The following CCDC66 variants were observed in gnomAD, a reference collection of about 807,000 sequenced individuals.
CCDC66 encodes the protein coiled-coil domain containing 66, also known as coiled-coil domain-containing protein 66.
A neutral mutation model predicts 128.3 loss-of-function variants in CCDC66; 133 were observed. The observed-to-expected ratio is 1.04, with a 90% CI of 0.90 to 1.20. CCDC66 has a LOEUF of 1.20. Ranked by LOEUF, CCDC66 falls within the 50% of genes most tolerant of loss-of-function variation. The pLI is 0.00. For missense variants in CCDC66, 1,126 were observed against 1,075.5 expected, an observed-to-expected ratio of 1.05 and a Z score of -0.66; for synonymous variants, 387 against 357.0, an observed-to-expected ratio of 1.08 and a Z score of -0.95.
Position 56,592,954 on chromosome 3 carries a change from T to C in CCDC66, c.937-16T>C. On this transcript the variant is annotated splice_polypyrimidine_tract_variant and intron_variant, in intron 7 of 17. Transcript: ENST00000394672. ...AGAGAACTGAACTTTAGATGGCTTTTATGGCTGTTGTTTAGGAAACAGTAC... is the reference window on the plus strand; with the variant it reads ...AGAGAACTGAACTTTAGATGGCTTTCATGGCTGTTGTTTAGGAAACAGTAC... 1 of 1,600,544 alleles carries C rather than the reference T, an allele frequency of 6.2e-7. No homozygotes were observed. Among genetic ancestry groups the C allele is most frequent in the South Asian group, 1.1e-5 (1 of 87,472 alleles).
At chr3:56,557,391 C>T in intron 1 of CCDC66, 138 bp downstream of exon 1, 5 of 1,186,666 alleles carry the variant, frequency 4.2e-6, no homozygotes, top group Non-Finnish European at 5.9e-6. Context: ...GGGGCAGAGC[C>T]CAGTTCTCGG....
chr3:56,593,421 G>T, intron 8 of CCDC66, 70 bp from the exon 9 acceptor site: 1 of 1,525,782 alleles, frequency 6.6e-7, no homozygotes, highest in Non-Finnish European at 8.9e-7. Context: ...AATCATCTTT[G>T]GTTGTCATTT....
At chr3:56,597,169 A>G (rs563433333) in intron 10 of CCDC66, among the ~76,000 whole-genome samples, 5 of 151,994 alleles carry the variant, frequency 3.3e-5, no homozygotes, top group African/African-American at 4.8e-5. Flanking sequence ...GCTTTCCCCA[A>G]CTATGTTCTT....
chr3:56,571,153 A>C, intron 6 of CCDC66, 28 bp from the exon 7 acceptor site: 1 of 1,454,750 alleles, frequency 6.9e-7, no homozygotes, highest in South Asian at 1.3e-5. Flanking sequence ...GTTTTTGTAC[A>C]TTTTTTTAAA....
intron 7 of CCDC66, among the ~76,000 whole-genome samples, chr3:56,585,789 G>T (rs988412935): frequency 4.7e-4 from 71 of 151,704 alleles, no homozygotes; most frequent in Non-Finnish European, 5.9e-5. Flanking sequence ...ACTCAGACCT[G>T]AATAATTACA....
chr3:56,582,848 CTTT>C (rs1459784765), intron 7 of CCDC66, among the ~76,000 whole-genome samples: 18 of 132,822 alleles, frequency 1.4e-4, no homozygotes, highest in African/African-American at 2.8e-4. Flanking sequence ...TCTCAACTTT[CTTT>C]ATTATTATTA....
chr3:56,581,349 G>A (rs1207958635), intron 7 of CCDC66, among the ~76,000 whole-genome samples: 1 of 151,756 alleles, frequency 6.6e-6, no homozygotes, highest in Non-Finnish European at 1.5e-5. Flanking sequence ...CAATGGGTTG[G>A]AACATCCTCC....
intron 3 of CCDC66, among the ~76,000 whole-genome samples, chr3:56,560,077 C>G (rs913413789): frequency 6.6e-6 from 1 of 152,086 alleles, no homozygotes; most frequent in Non-Finnish European, 1.5e-5. Flanking sequence ...TTCCATTTGC[C>G]CACACCAAAG....
At chr3:56,566,895 C>A in intron 5 of CCDC66, 55 bp from the exon 6 acceptor site, 1 of 1,507,172 alleles carries the variant, frequency 6.6e-7, no homozygotes, top group South Asian at 1.2e-5. Flanking sequence ...TTTATGGAGT[C>A]AGTTGTGTAG....
In CCDC66 at chr3:56,593,958, T is replaced by G; in HGVS notation, c.1334T>G (p.Met445Arg). The G allele has an allele frequency of 6.2e-7, 1 of 1,614,218 alleles. No homozygotes were observed. Among genetic ancestry groups the G allele is most frequent in the South Asian group, 1.1e-5 (1 of 91,090 alleles). Residue 445 changes from methionine (M) to arginine (R), a missense_variant, in exon 10 of 18, where the codon ATG becomes AGG. Coordinates refer to ENST00000394672, the MANE Select transcript of CCDC66 (RefSeq NM_001141947.3). ...NSKKTNFLRS[M>R]TALLDPAQIE... Reference sequence around the variant, plus strand: ...TATCTTGCCAGCTTTCTCCGTTCTATGACTGCTCTCTTGGACCCAGCTCAG... The same window carrying G: ...TATCTTGCCAGCTTTCTCCGTTCTAGGACTGCTCTCTTGGACCCAGCTCAG...
At chr3:56,604,601 T>C (rs1425413880) in intron 10 of CCDC66, among the ~76,000 whole-genome samples, 1 of 151,842 alleles carries the variant, frequency 6.6e-6, no homozygotes, top group Non-Finnish European at 1.5e-5. Context: ...GAATGTTGAA[T>C]ATTGGCCCCA....
intron 10 of CCDC66, among the ~76,000 whole-genome samples, chr3:56,603,562 G>A (rs759008069): frequency 1.3e-5 from 2 of 152,020 alleles, no homozygotes; most frequent in Non-Finnish European, 2.9e-5. Flanking sequence ...TCATTCAGGA[G>A]CAGGTTGGTC....
intron 16 of CCDC66, 44 bp downstream of exon 16, chr3:56,619,571 A>G (rs767972133): frequency 6.7e-7 from 1 of 1,490,142 alleles, no homozygotes; most frequent in Non-Finnish European, 8.8e-7. Flanking sequence ...TTGAAGACCC[A>G]TGTAAACCCC....
chr3:56,615,755 C>G, intron 12 of CCDC66, 167 bp from the exon 13 acceptor site: 1 of 422,666 alleles, frequency 2.4e-6, no homozygotes, highest in Non-Finnish European at 4.0e-6. Flanking sequence ...ATTAAATGAT[C>G]TCCCTAAATT....
Position 56,597,777 on chromosome 3 carries a change from G to GTTTTTTTTTTTT in CCDC66, c.1404+3753_1404+3764dup, listed in dbSNP as rs3064563. On this transcript the variant is annotated intron_variant, in intron 10 of 17. Coordinates refer to ENST00000394672, the MANE Select transcript of CCDC66 (RefSeq NM_001141947.3). ...TGTGGAGTCTAGGTTTTGTTTTGGG[G>GTTTTTTTTTTTT]TTTTTTTTTTTTTTTGAGACAGAGC... 7.8e-4 allele frequency among the ~76,000 whole-genome samples: 69 copies of GTTTTTTTTTTTT among 87,958 alleles called. 11 individuals are homozygous for GTTTTTTTTTTTT. The highest frequency in any genetic ancestry group is 4.7e-3 in the East Asian group (11 of 2,326). 57.7% of individuals were successfully genotyped at this position (87,958 alleles called of 152,430 possible).
chr3:56,616,984 G>A (rs1012836317), intron 13 of CCDC66, 128 bp from the exon 14 acceptor site: 1 of 761,624 alleles, frequency 1.3e-6, no homozygotes, highest in Non-Finnish European at 2.0e-6. Flanking sequence ...TAGAGGTTCG[G>A]TTTTGTTGAA....
rs764642777 is a variant in CCDC66 at position 56,619,444 on chromosome 3, G to T, written c.2552G>T (p.Arg851Leu). The change falls in exon 16 of 18, where the codon CGA (arginine) becomes CTA (leucine). Residue 851 changes from arginine (R) to leucine (L), a missense_variant. Transcript: ENST00000394672. Reference sequence around the variant, plus strand: ...TCATCCCATTTTATTCCGTATGTTCGAACAAATGAGATCTATTACCTTGAT... The same window carrying T: ...TCATCCCATTTTATTCCGTATGTTCTAACAAATGAGATCTATTACCTTGAT... ...SESSHFIPYV[R>L]TNEIYYLDPD... 4 of 1,613,832 alleles carry T rather than the reference G, an allele frequency of 2.5e-6. No individual in the cohort carries two copies. The East Asian group carries it at 6.7e-5, about 27-fold the overall frequency.
rs2075612382 is a variant in CCDC66, at chr3:56,617,049, A to T, written c.1844-63A>T. ...CAATAATTGTTTAATGTTTTGGGGA[A>T]AATTATTTAATATTGAAAATTTTGT... On this transcript the variant is annotated intron_variant, in intron 13 of 17. Transcript: ENST00000394672. The T allele has an allele frequency of 6.2e-6, 8 of 1,282,606 alleles. No homozygotes were observed. The South Asian group carries it at 1.0e-4, about 16-fold the overall frequency. The allele number at this position is 1,282,606 out of a possible 1,614,324, so 79.5% of individuals were successfully genotyped here. A position where few individuals can be genotyped will look rare whatever the true frequency, so the allele number is the denominator to read the frequency against.
In CCDC66 at chr3:56,566,605, C is replaced by G. The variant is rs2065896360; in HGVS notation, c.556C>G (p.Leu186Val). Residue 186 changes from leucine (L) to valine (V), a missense_variant, in exon 5 of 18, where the codon CTA becomes GTA. Physicochemically the swap from Leu to Val is conservative, Grantham distance 32 (BLOSUM62 1). Coordinates refer to ENST00000394672, the MANE Select transcript of CCDC66 (RefSeq NM_001141947.3). ...ATTTTACCTCCTAGGTCAATATAGT[C>G]TATATTTAAACAGTATTTCTAATCA... Reference protein sequence around the residue: ...NGKEAKSQYSLYLNSISNQPK... With the variant: ...NGKEAKSQYSVYLNSISNQPK... 3 of 1,568,644 alleles carry G rather than the reference C, an allele frequency of 1.9e-6. No homozygotes were observed. Among genetic ancestry groups the G allele is most frequent in the Non-Finnish European group, 2.6e-6 (3 of 1,141,166 alleles).
Sources: allele counts gnomAD v4.1 joint callset (sites outside exome capture counted in the v4.1 genomes callset), GRCh38; gene constraint gnomAD v4.1.1; transcripts MANE v1.5; gene names NCBI Gene and HGNC (gene_info 2026-07-23, HGNC 2026-07-21).